The following OR9Q1 variants were observed in gnomAD, a reference collection of about 807,000 sequenced individuals.
OR9Q1 encodes olfactory receptor family 9 subfamily Q member 1.
For synonymous variants in OR9Q1, 153 were observed against 148.6 expected, an observed-to-expected ratio of 1.03 and a Z score of -0.22; for missense variants, 374 against 378.8, an observed-to-expected ratio of 0.99 and a Z score of 0.11.
intron 1 of OR9Q1, chr11:58,031,621 C>T: frequency 1.2e-6 from 2 of 1,609,762 alleles, no homozygotes; most frequent in Non-Finnish European, 1.7e-6. Context: ...TGTCCTATGG[C>T]AACATCGTCT....
intron 1 of OR9Q1, among the ~76,000 whole-genome samples, chr11:58,046,962 C>T (rs1853222855): frequency 1.3e-5 from 2 of 152,164 alleles, no homozygotes; most frequent in Admixed American, 1.3e-4. Context: ...TTTTCCACTG[C>T]TTAAAAAAGC....
intron 2 of OR9Q1, among the ~76,000 whole-genome samples, chr11:58,059,337 T>A (rs1853357505): frequency 6.6e-6 from 1 of 151,774 alleles, no homozygotes; most frequent in Non-Finnish European, 1.5e-5. Flanking sequence ...GTTAATAGAA[T>A]AAAAACAAGA....
chr11:58,166,342 C>A (rs1271882274), intron 2 of OR9Q1, among the ~76,000 whole-genome samples: 1 of 152,154 alleles, frequency 6.6e-6, no homozygotes, highest in Non-Finnish European at 1.5e-5. Flanking sequence ...CCAGAAGTAA[C>A]TCCTATTAGT....
chr11:58,038,969 CTTCTTT>C (rs1268291930), intron 1 of OR9Q1, among the ~76,000 whole-genome samples: 1 of 151,936 alleles, frequency 6.6e-6, no homozygotes, highest in Non-Finnish European at 1.5e-5. Flanking sequence ...ATTGAATCTT[CTTCTTT>C]ATTTTTAAAT....
intron 2 of OR9Q1, among the ~76,000 whole-genome samples, chr11:58,137,601 A>G (rs1438732355): frequency 6.6e-6 from 1 of 152,208 alleles, no homozygotes; most frequent in East Asian, 1.9e-4. Context: ...AAAGGTACTC[A>G]CTGCAGGGCA....
intron 2 of OR9Q1, among the ~76,000 whole-genome samples, chr11:58,058,575 AC>A (rs1853348795): frequency 6.6e-6 from 1 of 152,212 alleles, no homozygotes; most frequent in Non-Finnish European, 1.5e-5. Context: ...GAAAAGATCC[AC>A]ATCCTCCCAT....
At chr11:58,053,647 T>A (rs970489632) in intron 1 of OR9Q1, among the ~76,000 whole-genome samples, 3 of 143,684 alleles carry the variant, frequency 2.1e-5, no homozygotes, top group African/African-American at 7.6e-5. Context: ...TATATATAAA[T>A]TATATATATA....
chr11:58,108,007 A>G (rs1322361534), intron 2 of OR9Q1, among the ~76,000 whole-genome samples: 1 of 152,158 alleles, frequency 6.6e-6, no homozygotes, highest in Non-Finnish European at 1.5e-5. Flanking sequence ...AATTGTCATG[A>G]GGCAGGCACT....
intron 2 of OR9Q1, among the ~76,000 whole-genome samples, chr11:58,154,152 A>AGAGGAGAAGGAG (rs1236680697): frequency 7.0e-5 from 10 of 142,512 alleles, no homozygotes; most frequent in African/African-American, 1.5e-4. Context: ...AGAAGGAGGA[A>AGAGGAGAAGGAG]GAGGAGAAGG....
chr11:58,074,864 T>G (rs1259010133), intron 2 of OR9Q1, among the ~76,000 whole-genome samples: 16 of 152,210 alleles, frequency 1.1e-4, no homozygotes, highest in Admixed American at 1.0e-3. Context: ...TAATGGGGAA[T>G]CCTTTCTCCA....
chr11:58,144,416 A>C (rs1854280287), intron 2 of OR9Q1: 1 of 151,290 alleles, frequency 6.6e-6, no homozygotes, highest in African/African-American at 2.4e-5. Flanking sequence ...GCAGCCATAA[A>C]AATTTATCTT....
At chr11:58,169,303 A>G (rs922469685) in intron 2 of OR9Q1, among the ~76,000 whole-genome samples, 2 of 152,100 alleles carry the variant, frequency 1.3e-5, no homozygotes, top group Non-Finnish European at 2.9e-5. Flanking sequence ...AATCTTGGTG[A>G]GCTCTTTGGA....
chr11:58,135,730 A>T (rs1231554442), intron 2 of OR9Q1, among the ~76,000 whole-genome samples: 1 of 152,148 alleles, frequency 6.6e-6, no homozygotes, highest in Non-Finnish European at 1.5e-5. Context: ...AACCTTTATG[A>T]CTCCCCATTT....
chr11:58,094,013 A>G (rs1590586084), intron 2 of OR9Q1, among the ~76,000 whole-genome samples: 1 of 152,298 alleles, frequency 6.6e-6, no homozygotes, highest in Middle Eastern at 3.4e-3. Flanking sequence ...TCACAGCACT[A>G]TTCACAAAAA....
chr11:58,095,568 C>CT (rs965129007), intron 2 of OR9Q1, among the ~76,000 whole-genome samples: 4 of 152,068 alleles, frequency 2.6e-5, no homozygotes, highest in Admixed American at 2.6e-4. Flanking sequence ...GCAAACATGT[C>CT]TTTTTTCATA....
At chr11:58,137,105 A>C (rs1854196550) in intron 2 of OR9Q1, among the ~76,000 whole-genome samples, 1 of 152,238 alleles carries the variant, frequency 6.6e-6, no homozygotes, top group African/African-American at 2.4e-5. Context: ...GACATGTGGC[A>C]AATGGGCAAT....
intron 2 of OR9Q1, among the ~76,000 whole-genome samples, chr11:58,153,131 AAGAAAT>A (rs1854370495): frequency 6.6e-6 from 1 of 152,222 alleles, no homozygotes; most frequent in Admixed American, 6.5e-5. Flanking sequence ...TATCCTCTAA[AAGAAAT>A]AGAAATAGAA....
At chr11:58,115,870 C>CA (rs1853949351) in intron 2 of OR9Q1, among the ~76,000 whole-genome samples, 1 of 152,164 alleles carries the variant, frequency 6.6e-6, no homozygotes, top group African/African-American at 2.4e-5. Context: ...TTCCTCTCTC[C>CA]AGAAGTTCCT....
intron 2 of OR9Q1, among the ~76,000 whole-genome samples, chr11:58,151,317 G>A (rs1272977209): frequency 6.6e-6 from 1 of 152,070 alleles, no homozygotes; most frequent in East Asian, 1.9e-4. Flanking sequence ...TTACCAGTGG[G>A]GCAAATGAAG....
Sources: gnomAD v4.1 joint callset for allele counts (sites outside exome capture counted in the v4.1 genomes callset) on GRCh38, gnomAD v4.1.1 for gene constraint, MANE v1.5 for transcripts, NCBI Gene and HGNC (gene_info 2026-07-23, HGNC 2026-07-21) for gene names.